ZNF606: variants seen among roughly 807,000 people sequenced by gnomAD.
ZNF606 encodes the protein zinc finger protein 328.
ZNF606 carries 37 observed loss-of-function variants against 74.9 expected under a neutral mutation model. That is an observed-to-expected ratio of 0.49 (90% CI 0.38 to 0.65). ZNF606 has a LOEUF of 0.65. Among genes scored for constraint, ZNF606 ranks in the 30% least tolerant of loss-of-function variants. ZNF606 has a pLI of 0.00. For synonymous variants in ZNF606, 328 were observed against 312.4 expected (o/e 1.05, Z -0.53); for missense variants, 852 against 952.9 (o/e 0.89, Z 1.39).
At chr19:57,984,150 G>A (rs2073130627) in intron 6 of ZNF606, among the ~76,000 whole-genome samples, 1 of 152,228 alleles carries the variant, frequency 6.6e-6, no homozygotes, top group Non-Finnish European at 1.5e-5. Context: ...ATTACTTCTT[G>A]GAGAGGAAAG....
At chr19:57,981,579 A>G (rs539582267) in intron 6 of ZNF606, among the ~76,000 whole-genome samples, 21 of 152,284 alleles carry the variant, frequency 1.4e-4, no homozygotes, top group African/African-American at 4.3e-4. Context: ...TTCTACTCCC[A>G]TATCTTGACA....
intron 4 of ZNF606, among the ~76,000 whole-genome samples, chr19:57,996,782 C>T (rs1437670558): frequency 2.0e-5 from 3 of 152,192 alleles, no homozygotes; most frequent in Non-Finnish European, 4.4e-5. Flanking sequence ...TCATGAGCTG[C>T]ATTTGTATTT....
At chr19:57,984,959 G>T (rs1236059246) in intron 6 of ZNF606, among the ~76,000 whole-genome samples, 1 of 152,124 alleles carries the variant, frequency 6.6e-6, no homozygotes, top group Non-Finnish European at 1.5e-5. Context: ...GCCAGGCGTG[G>T]TGTCGGGCGC....
rs190687215 is a variant in ZNF606 at position 57,988,033 on chromosome 19, C to T, written c.400+174G>A. On this transcript the variant is annotated intron_variant, in intron 6 of 6. Transcript: ENST00000551380. ...GCCGACAGCGAGGGAAAATGGCTAC[C>T]TTATTAGGATGGTGATGCTTCTTTG... is the stretch of plus-strand genomic sequence containing the variant. Among the ~76,000 whole-genome samples the T allele has an allele frequency of 2.4e-3, 362 of 152,232 alleles. 3 individuals are homozygous for T. Among genetic ancestry groups the T allele is most frequent in the African/African-American group, 8.5e-3 (352 of 41,542 alleles).
chr19:57,994,450 A>G (rs1050936983), intron 4 of ZNF606, among the ~76,000 whole-genome samples: 1 of 152,228 alleles, frequency 6.6e-6, no homozygotes, highest in African/African-American at 2.4e-5. Context: ...AGCCATAAAC[A>G]AAGATAGACA....
chr19:58,001,477 AGCATC>A (rs1349120401), intron 1 of ZNF606, 107 bp from the exon 2 acceptor site: 2 of 781,660 alleles, frequency 2.6e-6, no homozygotes, highest in Non-Finnish European at 4.2e-6. Context: ...ACTTGTAAGG[AGCATC>A]GTAAGAAAAG....
In ZNF606 at chr19:57,979,314, AG is replaced by A; in HGVS notation, c.1365del (p.Tyr456MetfsTer76). On this transcript the variant is annotated frameshift_variant, in exon 7 of 7. Coordinates refer to ENST00000551380, the MANE Select transcript of ZNF606 (RefSeq NM_001348022.3). LOFTEE classifies it high-confidence loss of function. ...GCTTTTCCACATTTATTACATTCAT[AG>A]GGTTTTATTCCAGTGTGAGTCCGTT... ...KHERTHTGIKPYECNKCGKAF... is the reference protein window; with the variant it reads ...KHERTHTGIKXYECNKCGKAF... 1 of 1,614,050 alleles carries A rather than the reference AG, an allele frequency of 6.2e-7. No individual in the cohort carries two copies. The highest frequency in any genetic ancestry group is 8.5e-7 in the Non-Finnish European group (1 of 1,179,998).
Position 57,978,779 on chromosome 19 carries a change from C to G in ZNF606, c.1901G>C (p.Ser634Thr). The change falls in exon 7 of 7, where the codon AGC becomes ACC. Residue 634 changes from serine (S) to threonine (T), a missense_variant. Physicochemically the swap from Ser to Thr is moderately conservative, Grantham distance 58. Around this residue, in one of 3 missense-constraint regions of ZNF606, gnomAD observed 243 missense variants for 359.2 expected, o/e 0.68. Coordinates refer to ENST00000551380, the MANE Select transcript of ZNF606 (RefSeq NM_001348022.3). The surrounding 1 kb of genome is among the most constrained non-coding windows in gnomAD (Gnocchi z 4.4). ...ATGTCTAACAAGGTGAGCCATCTGG[C>G]TACAGGATTTTCCACATTTATTACA... ...YECNKCGKSC[S>T]QMAHLVRHQR... 6.2e-7 allele frequency: 1 copy of G among 1,614,144 alleles called. No individual in the cohort carries two copies. Among genetic ancestry groups the G allele is most frequent in the Non-Finnish European group, 8.5e-7 (1 of 1,180,028 alleles).
chr19:58,000,668 A>G lies in ZNF606; in HGVS notation c.88+15T>C. On this transcript the variant is annotated intron_variant, in intron 3 of 6. Transcript: ENST00000551380. ...ACAATATGGCAGCCCACAGCTGACC[A>G]GGCTCTTGACTCACCCCAGGAGGCC... 6.2e-7 allele frequency: 1 copy of G among 1,613,920 alleles called. No individual in the cohort carries two copies.
At position 57,979,228 on chromosome 19, in the gene ZNF606, A is replaced by T; in HGVS notation, c.1452T>A (p.Tyr484Ter). The stretch of plus-strand genomic sequence containing the variant: ...AAGATTTCCCACACTCATTACAAAC[A>T]TAAGGTTTTTCTCCTGTATGAATTC... ...HKRIHTGEKP[Y>*]VCNECGKSFN... The change falls in exon 7 of 7, where the codon TAT becomes TAA. Residue 484 changes from tyrosine to a stop codon, truncating the protein, a stop_gained. Transcript: ENST00000551380. LOFTEE classifies it high-confidence loss of function. 6.2e-7 allele frequency: 1 copy of T among 1,613,842 alleles called. No homozygotes were observed. Among genetic ancestry groups the T allele is most frequent in the Non-Finnish European group, 8.5e-7 (1 of 1,179,926 alleles).
chr19:57,990,723 G>A (rs1049085256), intron 4 of ZNF606, among the ~76,000 whole-genome samples: 3 of 151,922 alleles, frequency 2.0e-5, no homozygotes, highest in African/African-American at 7.3e-5. Context: ...TATGAACTGA[G>A]TTTGCTGTCT....
chr19:58,000,908 G>A (rs1334762286), intron 2 of ZNF606, among the ~76,000 whole-genome samples, 169 bp from the exon 3 acceptor site: 1 of 152,150 alleles, frequency 6.6e-6, no homozygotes, highest in East Asian at 1.9e-4. Flanking sequence ...GCAATGCACA[G>A]GTGAGTCACT....
intron 6 of ZNF606, among the ~76,000 whole-genome samples, chr19:57,981,213 ACTC>A (rs1430626487): frequency 2.0e-5 from 3 of 151,730 alleles, no homozygotes; most frequent in Non-Finnish European, 2.9e-5. Flanking sequence ...TGTTGTCACA[ACTC>A]CTTGCTTGAG....
In ZNF606 at chr19:58,002,690, C is replaced by T. The variant is rs1371890036; in HGVS notation, c.-346G>A. On this transcript the variant is annotated 5_prime_UTR_variant, in exon 1 of 7. Coordinates refer to ENST00000551380, the MANE Select transcript of ZNF606 (RefSeq NM_001348022.3). ...CGGCGCGGAAAGGGCAGGCGCAGGA[C>T]CCACCCTGACGCCGCCTCTCCCAGC... The T allele has an allele frequency of 6.6e-6, 3 of 454,380 alleles. No homozygotes were observed. The highest frequency in any genetic ancestry group is 1.3e-5 in the Non-Finnish European group (3 of 226,140). The allele number at this position is 454,380 out of a possible 1,614,324, so 28.1% of individuals were successfully genotyped here.
intron 4 of ZNF606, among the ~76,000 whole-genome samples, chr19:57,995,189 CAAAAAAAAA>C (rs766350560): frequency 6.1e-5 from 3 of 49,522 alleles, no homozygotes; most frequent in Admixed American, 4.1e-4. Flanking sequence ...GACTCTGACT[CAAAAAAAAA>C]AAAAAAAAAA....
chr19:57,993,887 A>C (rs1246519884), intron 4 of ZNF606, among the ~76,000 whole-genome samples: 2 of 152,212 alleles, frequency 1.3e-5, no homozygotes, highest in Non-Finnish European at 2.9e-5. Flanking sequence ...GGAAGGCACC[A>C]ATCATGAATC....
intron 6 of ZNF606, among the ~76,000 whole-genome samples, chr19:57,987,289 G>A (rs547978982): frequency 5.3e-5 from 8 of 151,996 alleles, no homozygotes; most frequent in African/African-American, 7.2e-5. Flanking sequence ...TCTGTCACTC[G>A]GGCTGGAGTG....
intron 1 of ZNF606, 64 bp downstream of exon 1, chr19:58,002,332 G>A (rs752715940): frequency 1.1e-5 from 5 of 456,698 alleles, no homozygotes; most frequent in South Asian, 4.6e-5. Context: ...CAGAGCTCCC[G>A]ACCCAAATTT....
chr19:57,989,485 C>A (rs1035070303), intron 4 of ZNF606, among the ~76,000 whole-genome samples: 1 of 151,952 alleles, frequency 6.6e-6, no homozygotes, highest in African/African-American at 2.4e-5. Flanking sequence ...CTCGCTCTGT[C>A]GCCCAGGCTG....
Sources: allele counts gnomAD v4.1 joint callset (sites outside exome capture counted in the v4.1 genomes callset), GRCh38; gene constraint gnomAD v4.1.1; regional missense constraint gnomAD v4.1.1; non-coding constraint Gnocchi (gnomAD v3.1); transcripts MANE v1.5; gene names NCBI Gene and HGNC (gene_info 2026-07-23, HGNC 2026-07-21).